CTNNA2: variants seen among roughly 807,000 people sequenced by gnomAD.
The protein encoded by CTNNA2 is catenin alpha-2.
A neutral mutation model predicts 101.0 loss-of-function variants in CTNNA2; 42 were observed. The observed-to-expected ratio is 0.42, with a 90% CI of 0.32 to 0.54. CTNNA2 has a LOEUF of 0.54. Ranked by LOEUF, CTNNA2 falls within the 20% of genes least tolerant of loss-of-function variation. CTNNA2 has a pLI of 0.14. For missense variants in CTNNA2, 871 were observed against 1,223.1 expected (o/e 0.71, Z 4.29); for synonymous variants, 450 against 456.4 (o/e 0.99, Z 0.18).
At chr2:80,124,347 C>T (rs1205946482) in intron 7 of CTNNA2, among the ~76,000 whole-genome samples, 1 of 152,126 alleles carries the variant, frequency 6.6e-6, no homozygotes, top group Admixed American at 6.5e-5. Context: ...AGTGCTTACA[C>T]ACCTTGCCTC....
intron 4 of CTNNA2, among the ~76,000 whole-genome samples, chr2:79,864,869 T>A (rs2103990399): frequency 6.6e-6 from 1 of 152,286 alleles, no homozygotes; most frequent in Non-Finnish European, 1.5e-5. Flanking sequence ...TCTCCTCCGA[T>A]TTCAGTCTCT....
At chr2:79,196,065 T>G (rs568199607) in intron 1 of CTNNA2, among the ~76,000 whole-genome samples, 1 of 152,100 alleles carries the variant, frequency 6.6e-6, no homozygotes, top group African/African-American at 2.4e-5. Context: ...GCCTCCTGAG[T>G]AGCTGGGATT....
rs1009520330 is a variant in CTNNA2 at position 80,018,415 on chromosome 2, C to T, written c.1056+108618C>T. Among the ~76,000 whole-genome samples, 6 of 152,154 alleles carry T rather than the reference C, an allele frequency of 3.9e-5. 1 individual carries two copies. The highest frequency in any genetic ancestry group is 1.4e-4 in the African/African-American group (6 of 41,412). Reference sequence around the variant, plus strand: ...GGTTGATTTTGTGCCTTTCACCACTCGTAATTCAGTGACTTGAAACTGGCC... The same window carrying T: ...GGTTGATTTTGTGCCTTTCACCACTTGTAATTCAGTGACTTGAAACTGGCC... On this transcript the variant is annotated intron_variant, in intron 7 of 18. Transcript: ENST00000402739.
chr2:80,632,570 T>A (rs939483153), intron 18 of CTNNA2, among the ~76,000 whole-genome samples: 1 of 152,078 alleles, frequency 6.6e-6, no homozygotes, highest in African/African-American at 2.4e-5. Context: ...AAAAATAAGA[T>A]CGTAACTAGG....
chr2:80,199,909 T>G (rs1707094393), intron 7 of CTNNA2, among the ~76,000 whole-genome samples: 1 of 152,118 alleles, frequency 6.6e-6, no homozygotes, highest in Non-Finnish European at 1.5e-5. Flanking sequence ...TATGTCCTGT[T>G]CTCTCTCTCT....
chr2:80,488,927 CCA>C (rs139010321), intron 9 of CTNNA2, among the ~76,000 whole-genome samples: 16 of 151,754 alleles, frequency 1.1e-4, no homozygotes, highest in African/African-American at 3.4e-4. Context: ...ACACGTGTGC[CCA>C]CACACACACA....
In CTNNA2 at chr2:80,441,238, C is replaced by G. The variant is rs559124953; in HGVS notation, c.1290+21637C>G. 2.3e-4 allele frequency among the ~76,000 whole-genome samples: 35 copies of G among 152,252 alleles called. 2 individuals are homozygous for G. The South Asian group carries it at 7.3e-3, about 32-fold the overall frequency. On this transcript the variant is annotated intron_variant, in intron 9 of 18. Transcript: ENST00000402739. ...GTGGGTAAAATTTTGAGGTTTCTGT[C>G]TACCCTGAGACTTCAAAAAAAATTA...
At chr2:80,309,511 A>G (rs1042475023) in intron 7 of CTNNA2, among the ~76,000 whole-genome samples, 1 of 152,164 alleles carries the variant, frequency 6.6e-6, no homozygotes, top group African/African-American at 2.4e-5. Context: ...GAATAAAAAG[A>G]CCTTGTTGGG....
intron 7 of CTNNA2, among the ~76,000 whole-genome samples, chr2:80,022,808 T>C (rs962928987): frequency 3.3e-5 from 5 of 152,136 alleles, no homozygotes; most frequent in Admixed American, 2.6e-4. Flanking sequence ...TTAGTCAAAG[T>C]CCAGAGATCA....
chr2:79,971,357 T>C (rs1372416782), intron 7 of CTNNA2, among the ~76,000 whole-genome samples: 1 of 152,202 alleles, frequency 6.6e-6, no homozygotes, highest in Non-Finnish European at 1.5e-5. Context: ...ATATCGTTTA[T>C]TAATAGTTTC....
At chr2:79,902,160 A>C (rs991326317) in intron 6 of CTNNA2, among the ~76,000 whole-genome samples, 5 of 152,170 alleles carry the variant, frequency 3.3e-5, no homozygotes, top group Non-Finnish European at 5.9e-5. Context: ...TAGTTTTTGA[A>C]ATGGGGAAAT....
intron 7 of CTNNA2, among the ~76,000 whole-genome samples, chr2:80,116,902 AGTGTGT>A (rs112383959): frequency 3.2e-4 from 46 of 143,626 alleles, no homozygotes; most frequent in Admixed American, 1.2e-3. Context: ...AGAAGAAAAT[AGTGTGT>A]GTGTGTGTGT....
chr2:80,291,932 A>T (rs1675299143), intron 7 of CTNNA2, among the ~76,000 whole-genome samples: 1 of 152,344 alleles, frequency 6.6e-6, no homozygotes, highest in South Asian at 2.1e-4. Context: ...TGTATGGGCT[A>T]AGGCCTGGCC....
At chr2:79,626,105 G>A (rs998505491) in intron 1 of CTNNA2, among the ~76,000 whole-genome samples, 2 of 152,278 alleles carry the variant, frequency 1.3e-5, no homozygotes, top group East Asian at 3.9e-4. Context: ...TCTCCTGTGG[G>A]AGCTACATCA....
chr2:80,220,890 T>C (rs910902953), intron 7 of CTNNA2, among the ~76,000 whole-genome samples: 2 of 152,226 alleles, frequency 1.3e-5, no homozygotes, highest in African/African-American at 4.8e-5. Context: ...TTGTTTTGTT[T>C]TTGTTTTCTG....
chr2:79,460,399 A>G (rs895098747), intron 4 of CTNNA2, among the ~76,000 whole-genome samples: 8 of 152,172 alleles, frequency 5.3e-5, no homozygotes, highest in African/African-American at 1.4e-4. Context: ...TCCAACATCA[A>G]TTTGATCACT....
intron 2 of CTNNA2, among the ~76,000 whole-genome samples, chr2:79,265,858 A>G (rs1303535182): frequency 6.6e-6 from 1 of 152,154 alleles, no homozygotes; most frequent in African/African-American, 2.4e-5. Context: ...AAATAATAAA[A>G]TTAGAATAGG....
chr2:80,298,276 G>A (rs1475050030), intron 7 of CTNNA2: 5 of 152,116 alleles, frequency 3.3e-5, no homozygotes, highest in Admixed American at 1.3e-4. Flanking sequence ...GTCAATGGCA[G>A]ACCCAAATCA....
chr2:80,447,274 C>T (rs2149450344), intron 9 of CTNNA2, among the ~76,000 whole-genome samples: 1 of 152,278 alleles, frequency 6.6e-6, no homozygotes, highest in East Asian at 1.9e-4. Flanking sequence ...ATTACTTTTA[C>T]CATTGCAAAT....
Sources: allele counts gnomAD v4.1 joint callset (sites outside exome capture counted in the v4.1 genomes callset), GRCh38; gene constraint gnomAD v4.1.1; transcripts MANE v1.5; gene names NCBI Gene and HGNC (gene_info 2026-07-23, HGNC 2026-07-21).